CAMTA1: variants seen among roughly 807,000 people sequenced by gnomAD.
CAMTA1 encodes the protein calmodulin-binding transcription activator 1.
A neutral mutation model predicts 170.9 loss-of-function variants in CAMTA1; 27 were observed. That is an observed-to-expected ratio of 0.16 (90% CI 0.12 to 0.22). CAMTA1 has a LOEUF of 0.22. CAMTA1 is among the 10% of genes least tolerant of loss of function. The pLI is 1.00. For synonymous variants in CAMTA1, 833 were observed against 891.5 expected (o/e 0.93, Z 1.17); for missense variants, 1,619 against 2,217.2 (o/e 0.73, Z 5.42).
chr1:7,291,428 C>A (rs1215590491), intron 5 of CAMTA1, among the ~76,000 whole-genome samples: 2 of 152,184 alleles, frequency 1.3e-5, no homozygotes, highest in East Asian at 3.9e-4. Context: ...CAGTGCACAA[C>A]TCCTAGGAGT....
chr1:6,936,569 G>C (rs376820069), intron 3 of CAMTA1, among the ~76,000 whole-genome samples: 1 of 152,264 alleles, frequency 6.6e-6, no homozygotes, highest in East Asian at 1.9e-4. Flanking sequence ...ATTCAAGATT[G>C]TATCTGCTGA....
intron 5 of CAMTA1, among the ~76,000 whole-genome samples, chr1:7,298,485 T>G (rs986355659): frequency 2.6e-5 from 4 of 152,144 alleles, no homozygotes; most frequent in Non-Finnish European, 5.9e-5. Context: ...CTGCCTGACC[T>G]GCCACATGCA....
chr1:7,164,929 C>G (rs147094956), intron 4 of CAMTA1, among the ~76,000 whole-genome samples: 216 of 152,306 alleles, frequency 1.4e-3, no homozygotes, highest in African/African-American at 5.0e-3. Context: ...CAGGAGTATC[C>G]TGCATTAGAA....
Position 7,480,041 on chromosome 1 carries a change from ATG to A in CAMTA1, c.510+12145_510+12146del, listed in dbSNP as rs577328182. ...TGACTCTGAGTGCATGTGTATGTCC[ATG>A]TGTGAGTCCGTATGAGTGTGTTTGT... On this transcript the variant is annotated intron_variant, in intron 6 of 22. Transcript: ENST00000303635. Among the ~76,000 whole-genome samples the A allele has an allele frequency of 7.6e-4, 115 of 151,180 alleles. 2 individuals are homozygous for A. Among genetic ancestry groups the A allele is most frequent in the African/African-American group, 2.7e-3 (111 of 40,998 alleles).
At position 7,602,202 on chromosome 1, in the gene CAMTA1, A is replaced by T. The variant is rs528764458; in HGVS notation, c.511-38198A>T. ...CCTCCCCTCGATTCCCTCTTTTTCT[A>T]TTGATTGGAGTAGTTTCAGAAGGAA... is the stretch of plus-strand genomic sequence containing the variant. On this transcript the variant is annotated intron_variant, in intron 6 of 22. Coordinates refer to ENST00000303635, the MANE Select transcript of CAMTA1 (RefSeq NM_015215.4). Among the ~76,000 whole-genome samples the T allele has an allele frequency of 1.0e-3, 112 of 111,748 alleles. 3 individuals carry two copies. In the South Asian group the frequency reaches 0.03, roughly 29 times the overall value. 73.3% of individuals were successfully genotyped at this position (111,748 alleles called of 152,430 possible).
intron 4 of CAMTA1, among the ~76,000 whole-genome samples, chr1:7,220,266 C>G (rs1026913820): frequency 6.6e-6 from 1 of 152,170 alleles, no homozygotes; most frequent in Non-Finnish European, 1.5e-5. Context: ...AAATAGACCA[C>G]CTATGAATTA....
At chr1:7,750,011 G>A (rs2096884728) in intron 19 of CAMTA1, among the ~76,000 whole-genome samples, 2 of 152,168 alleles carry the variant, frequency 1.3e-5, no homozygotes, top group Non-Finnish European at 2.9e-5. Context: ...TTTTTGGCTG[G>A]TGTTAATCCA....
At chr1:6,997,457 G>A (rs919208224) in intron 3 of CAMTA1, among the ~76,000 whole-genome samples, 8 of 151,980 alleles carry the variant, frequency 5.3e-5, no homozygotes, top group African/African-American at 7.3e-5. Flanking sequence ...AGCATGTCGC[G>A]TCTCTCCCTA....
At chr1:7,391,558 C>A (rs1420673890) in intron 5 of CAMTA1, among the ~76,000 whole-genome samples, 1 of 152,108 alleles carries the variant, frequency 6.6e-6, no homozygotes, top group Non-Finnish European at 1.5e-5. Flanking sequence ...AGAGCTTTGG[C>A]AAATGTATGT....
At chr1:6,986,726 C>G (rs1385794968) in intron 3 of CAMTA1, among the ~76,000 whole-genome samples, 1 of 151,954 alleles carries the variant, frequency 6.6e-6, no homozygotes, top group Non-Finnish European at 1.5e-5. Flanking sequence ...GATGGTGGTT[C>G]CTGGTGGTTG....
chr1:7,248,941 G>A lies in CAMTA1; in HGVS notation c.303-550G>A, dbSNP rs1045663255. Reference sequence around the variant, plus strand: ...TTGCTTGAGAAGCAAGACCGCAGATGCTCTTTCATATCTAGCAGTAATCTA... The same window carrying A: ...TTGCTTGAGAAGCAAGACCGCAGATACTCTTTCATATCTAGCAGTAATCTA... On this transcript the variant is annotated intron_variant, in intron 4 of 22. Transcript: ENST00000303635. The surrounding 1 kb of genome is among the most constrained non-coding windows in gnomAD (Gnocchi z 4.0). 3.3e-5 allele frequency among the ~76,000 whole-genome samples: 5 copies of A among 152,282 alleles called. No homozygotes were observed. The highest frequency in any genetic ancestry group is 1.2e-4 in the African/African-American group (5 of 41,538).
At position 6,901,798 on chromosome 1, in the gene CAMTA1, C is replaced by A. The variant is rs1257597170; in HGVS notation, c.234+76588C>A. Among the ~76,000 whole-genome samples, 6 of 152,142 alleles carry A rather than the reference C, an allele frequency of 3.9e-5. No individual in the cohort carries two copies. In the East Asian group the frequency reaches 1.2e-3, roughly 29 times the overall value. On this transcript the variant is annotated intron_variant, in intron 3 of 22. Coordinates refer to ENST00000303635, the MANE Select transcript of CAMTA1 (RefSeq NM_015215.4). ...TGGCTCACACCTGTAATTTACCCAG[C>A]ACTTTGGGAGGCCAAGGCAGGTGGA...
chr1:7,320,345 T>A (rs1248274224), intron 5 of CAMTA1, among the ~76,000 whole-genome samples: 2 of 152,248 alleles, frequency 1.3e-5, no homozygotes, highest in Non-Finnish European at 2.9e-5. Context: ...CTGTTCCGTA[T>A]GAATGAAAAT....
rs2096201684 is a variant in CAMTA1, at chr1:7,681,200, C to T, written c.2914+3467C>T. Among the ~76,000 whole-genome samples, 1 of 152,182 alleles carries T rather than the reference C, an allele frequency of 6.6e-6. No individual in the cohort carries two copies. Among genetic ancestry groups the T allele is most frequent in the Non-Finnish European group, 1.5e-5 (1 of 68,028 alleles). On this transcript the variant is annotated intron_variant, in intron 11 of 22. Coordinates refer to ENST00000303635, the MANE Select transcript of CAMTA1 (RefSeq NM_015215.4). The surrounding 1 kb of genome is among the most constrained non-coding windows in gnomAD (Gnocchi z 4.6). ...GGGTCAAAGGCCCTGTCTGCTGGAC[C>T]CCCATCACTTAGCCCAGGGTTGGCA... is the stretch of plus-strand genomic sequence containing the variant.
intron 3 of CAMTA1, among the ~76,000 whole-genome samples, chr1:6,925,015 G>A (rs1571760250): frequency 6.6e-6 from 1 of 152,240 alleles, no homozygotes; most frequent in Non-Finnish European, 1.5e-5. Context: ...CTTCACGGCC[G>A]GTGTGCTGAC....
At chr1:7,155,444 C>G (rs552040788) in intron 4 of CAMTA1, among the ~76,000 whole-genome samples, 2 of 151,020 alleles carry the variant, frequency 1.3e-5, no homozygotes, top group Admixed American at 1.3e-4. Flanking sequence ...CACGGAGAAG[C>G]CTTGAGCTGG....
intron 6 of CAMTA1, among the ~76,000 whole-genome samples, chr1:7,639,079 C>T (rs764096138): frequency 2.6e-5 from 4 of 152,096 alleles, no homozygotes; most frequent in African/African-American, 9.7e-5. Context: ...CCCAGATTCA[C>T]GCCATTCTCC....
chr1:7,547,529 A>T lies in CAMTA1; in HGVS notation c.510+79628A>T, dbSNP rs925490896. 2.0e-5 allele frequency among the ~76,000 whole-genome samples: 3 copies of T among 152,198 alleles called. No homozygotes were observed. The highest frequency in any genetic ancestry group is 2.0e-4 in the Admixed American group (3 of 15,282). On this transcript the variant is annotated intron_variant, in intron 6 of 22. Transcript: ENST00000303635. The surrounding 1 kb of genome is among the most constrained non-coding windows in gnomAD (Gnocchi z 5.7). ...ATTCCCTAAATAAAACAGTATAAGA[A>T]ATATTTACATAGCATTTACATTGTT...
intron 21 of CAMTA1, among the ~76,000 whole-genome samples, chr1:7,753,750 C>T (rs1225777884): frequency 1.3e-5 from 2 of 152,202 alleles, no homozygotes; most frequent in Non-Finnish European, 2.9e-5. Flanking sequence ...TTTTCCCCAG[C>T]TATGATGCCA....
Sources: gnomAD v4.1 joint callset for allele counts (sites outside exome capture counted in the v4.1 genomes callset) on GRCh38, gnomAD v4.1.1 for gene constraint, Gnocchi (gnomAD v3.1) non-coding constraint, MANE v1.5 for transcripts, NCBI Gene and HGNC (gene_info 2026-07-23, HGNC 2026-07-21) for gene names.